The following NEBL variants were observed in gnomAD, a reference collection of about 807,000 sequenced individuals.
The protein encoded by NEBL is nebulette.
A neutral mutation model predicts 140.2 loss-of-function variants in NEBL; 122 were observed. The ratio of observed to expected loss-of-function variants is 0.87; its 90% confidence interval spans 0.75 to 1.01. The LOEUF is 1.01. Among genes scored for constraint, NEBL ranks in the 50% least tolerant of loss-of-function variants. The pLI is 0.00. For missense variants in NEBL, 1,365 were observed against 1,231.3 expected (o/e 1.11, Z -1.62); for synonymous variants, 436 against 398.9 (o/e 1.09, Z -1.11).
chr10:20,896,944 C>T lies in NEBL; in HGVS notation c.153+14G>A. On this transcript the variant is annotated intron_variant, in intron 2 of 27. Coordinates refer to ENST00000377122, the MANE Select transcript of NEBL (RefSeq NM_006393.3). Reference sequence around the variant, plus strand: ...GCAATGCAAAATAAGACAAAAATTACTCCAGCCACTTACATCGCTAATGAG... The same window carrying T: ...GCAATGCAAAATAAGACAAAAATTATTCCAGCCACTTACATCGCTAATGAG... 5 of 1,612,030 alleles carry T rather than the reference C, an allele frequency of 3.1e-6. No individual in the cohort carries two copies. Among genetic ancestry groups the T allele is most frequent in the Non-Finnish European group, 4.2e-6 (5 of 1,178,188 alleles).
At chr10:20,829,686 T>C (rs1840220852) in intron 16 of NEBL, among the ~76,000 whole-genome samples, 1 of 152,136 alleles carries the variant, frequency 6.6e-6, no homozygotes, top group South Asian at 2.1e-4. Context: ...ATTTCAGTGA[T>C]TAAAATCCCT....
At chr10:20,954,367 G>A (rs1469812542) in intron 4 of NEBL, among the ~76,000 whole-genome samples, 1 of 152,122 alleles carries the variant, frequency 6.6e-6, no homozygotes, top group Admixed American at 6.6e-5. Context: ...CTAGGCCCTG[G>A]GTCTGTATAG....
intron 26 of NEBL, among the ~76,000 whole-genome samples, chr10:20,799,317 A>G (rs889773220): frequency 2.0e-5 from 3 of 152,052 alleles, no homozygotes; most frequent in Non-Finnish European, 4.4e-5. Flanking sequence ...CACCACACTC[A>G]GCTCATTTTT....
intron 4 of NEBL, among the ~76,000 whole-genome samples, chr10:20,881,941 C>T (rs1588928389): frequency 6.6e-6 from 1 of 152,152 alleles, no homozygotes; most frequent in Non-Finnish European, 1.5e-5. Context: ...AGGCTGGACT[C>T]AGTGGCTCAT....
rs372281217 is a variant in NEBL, at chr10:20,999,095, C to T, written c.249+21022G>A. Among the ~76,000 whole-genome samples, 20 of 150,868 alleles carry T rather than the reference C, an allele frequency of 1.3e-4. No individual in the cohort carries two copies. In the East Asian group the frequency reaches 3.7e-3, roughly 28 times the overall value. On this transcript the variant is annotated intron_variant, in intron 3 of 6. Coordinates refer to the NEBL transcript ENST00000417816. ...AATTATTTATTTTTATCTGCGGCAC[C>T]AAAAATTTCCAAATCCTTGGCTTTT...
At chr10:20,919,792 A>G (rs1188322902) in intron 4 of NEBL, among the ~76,000 whole-genome samples, 2 of 152,210 alleles carry the variant, frequency 1.3e-5, no homozygotes, top group African/African-American at 2.4e-5. Context: ...CGGAACCTAC[A>G]GGAAAAATAA....
chr10:21,291,517 A>AAAG (rs954651284), intron 1 of NEBL, among the ~76,000 whole-genome samples: 2 of 151,472 alleles, frequency 1.3e-5, no homozygotes, highest in South Asian at 2.1e-4. Flanking sequence ...AAAAAAAAAA[A>AAAG]AAGAAGAAGA....
At chr10:21,241,295 A>T (rs917041593) in intron 3 of NEBL, among the ~76,000 whole-genome samples, 1 of 151,474 alleles carries the variant, frequency 6.6e-6, no homozygotes, top group African/African-American at 2.4e-5. Flanking sequence ...TAAAAATAAA[A>T]ATCAATCAAA....
intron 7 of NEBL, among the ~76,000 whole-genome samples, chr10:20,866,899 G>A (rs968260848): frequency 4.6e-5 from 7 of 151,948 alleles, no homozygotes; most frequent in Non-Finnish European, 7.4e-5. Context: ...CTACTGAGCC[G>A]TTAATCTTTT....
At chr10:21,219,505 T>C (rs1842038992) in intron 3 of NEBL, among the ~76,000 whole-genome samples, 1 of 152,238 alleles carries the variant, frequency 6.6e-6, no homozygotes, top group Non-Finnish European at 1.5e-5. Context: ...GCTGTTTTGA[T>C]TACTATAACT....
chr10:20,939,369 C>T (rs1466765369), intron 4 of NEBL, among the ~76,000 whole-genome samples: 1 of 152,110 alleles, frequency 6.6e-6, no homozygotes, highest in Non-Finnish European at 1.5e-5. Flanking sequence ...AAATACTTTA[C>T]AGACAAGCAA....
At chr10:21,118,075 G>T (rs1209223230) in intron 2 of NEBL, among the ~76,000 whole-genome samples, 1 of 152,074 alleles carries the variant, frequency 6.6e-6, no homozygotes, top group Non-Finnish European at 1.5e-5. Context: ...CCACTGAGAA[G>T]GATGGCAACC....
rs116689826 is a variant in NEBL, at chr10:20,954,639, C to T, written c.357+7033G>A. 5.1e-3 allele frequency among the ~76,000 whole-genome samples: 780 copies of T among 152,230 alleles called. 4 individuals are homozygous for T. The highest frequency in any genetic ancestry group is 0.016 in the African/African-American group (665 of 41,540). ...GGGACTCCCTGCAAGGCCAGAGTCC[C>T]CTGCTAGAGAGCTTCCTGCCTCATA... On this transcript the variant is annotated intron_variant, in intron 4 of 6. Coordinates refer to the NEBL transcript ENST00000417816.
rs187350462 is a variant in NEBL at position 20,911,426 on chromosome 10, C to T, written c.357+50246G>A. Among the ~76,000 whole-genome samples, 912 of 152,268 alleles carry T rather than the reference C, an allele frequency of 6.0e-3. 9 individuals are homozygous for T. Among genetic ancestry groups the T allele is most frequent in the African/African-American group, 0.021 (858 of 41,548 alleles). ...ACACTGTGAAAATGGCTGAAACCCACATTTTAAAACTCTCTTTGTATTATG... is the reference window on the plus strand; with the variant it reads ...ACACTGTGAAAATGGCTGAAACCCATATTTTAAAACTCTCTTTGTATTATG... On this transcript the variant is annotated intron_variant, in intron 4 of 6. Transcript: ENST00000417816.
intron 3 of NEBL, among the ~76,000 whole-genome samples, chr10:21,013,152 T>A (rs1838413532): frequency 6.6e-6 from 1 of 152,206 alleles, no homozygotes; most frequent in East Asian, 1.9e-4. Context: ...AAGGTTGGAG[T>A]TAACATCTGC....
At chr10:20,974,685 C>T (rs115378097) in intron 3 of NEBL, among the ~76,000 whole-genome samples, 3,414 of 152,282 alleles carry the variant, frequency 0.022, 43 homozygotes, top group Middle Eastern at 0.054. Flanking sequence ...TTAATGGTTA[C>T]ACATACTACC....
chr10:21,220,157 C>A (rs544171534), intron 3 of NEBL, among the ~76,000 whole-genome samples: 1 of 152,278 alleles, frequency 6.6e-6, no homozygotes, highest in East Asian at 1.9e-4. Context: ...AAGTGATCCG[C>A]CCATCTTGGC....
intron 4 of NEBL, 95 bp downstream of exon 4, chr10:20,888,002 C>A (rs1846677051): frequency 2.3e-6 from 2 of 854,288 alleles, no homozygotes; most frequent in East Asian, 2.5e-5. Flanking sequence ...GTATTTAACA[C>A]CCATGATGAA....
At chr10:20,986,900 T>C (rs1837277559) in intron 3 of NEBL, among the ~76,000 whole-genome samples, 1 of 152,220 alleles carries the variant, frequency 6.6e-6, no homozygotes, top group Non-Finnish European at 1.5e-5. Context: ...TCTTTTTATT[T>C]CATTCAGCTA....
Sources: gnomAD v4.1 joint callset for allele counts (sites outside exome capture counted in the v4.1 genomes callset) on GRCh38, gnomAD v4.1.1 for gene constraint, MANE v1.5 for transcripts, NCBI Gene and HGNC (gene_info 2026-07-23, HGNC 2026-07-21) for gene names.